PDE1C: variants seen among roughly 807,000 people sequenced by gnomAD.
PDE1C encodes phosphodiesterase 1C.
In PDE1C, 62 loss-of-function variants were observed where a neutral mutation model predicts 93.1. The ratio of observed to expected loss-of-function variants is 0.67; its 90% CI spans 0.54 to 0.82. The LOEUF is 0.82. Ranked by LOEUF, PDE1C falls within the 40% of genes least tolerant of loss-of-function variation. The pLI is 0.00. For synonymous variants in PDE1C, 325 were observed against 310.1 expected (o/e 1.05, Z -0.50); for missense variants, 742 against 884.6 (o/e 0.84, Z 2.04).
intron 1 of PDE1C, among the ~76,000 whole-genome samples, chr7:32,216,350 C>T (rs1806434736): frequency 6.6e-6 from 1 of 152,180 alleles, no homozygotes. Context: ...TTCTCATATG[C>T]TCTATACTTC....
chr7:32,152,376 C>T (rs1286184511), intron 3 of PDE1C, among the ~76,000 whole-genome samples: 1 of 152,220 alleles, frequency 6.6e-6, no homozygotes, highest in Non-Finnish European at 1.5e-5. Flanking sequence ...CTCACATGAG[C>T]AGTGTGTCAG....
In PDE1C at chr7:32,263,959, T is replaced by C. The variant is rs527654823; in HGVS notation, c.85+34692A>G. 1.7e-4 allele frequency among the ~76,000 whole-genome samples: 26 copies of C among 152,298 alleles called. No individual in the cohort carries two copies. The South Asian group carries it at 4.8e-3, about 28-fold the overall frequency. On this transcript the variant is annotated intron_variant, in intron 1 of 18. Transcript: ENST00000396193. ...ACCTGGTCAAGGTACTGTCAGATTT[T>C]TCCTCAATATTTCACTGTCTTATTT... is the stretch of plus-strand genomic sequence containing the variant.
intron 16 of PDE1C, chr7:31,789,185 C>T (rs1340738044): frequency 1.3e-5 from 2 of 152,176 alleles, no homozygotes; most frequent in East Asian, 3.9e-4. Context: ...TCATAAAATC[C>T]CACTTTACTT....
At chr7:32,417,743 T>G (rs1231025080) in intron 1 of PDE1C, among the ~76,000 whole-genome samples, 1 of 151,998 alleles carries the variant, frequency 6.6e-6, no homozygotes, top group Non-Finnish European at 1.5e-5. Context: ...AAAGTATCTG[T>G]TGTATTAAGA....
intron 16 of PDE1C, among the ~76,000 whole-genome samples, chr7:31,800,958 T>C (rs1246666341): frequency 6.6e-6 from 1 of 150,974 alleles, no homozygotes; most frequent in Non-Finnish European, 1.5e-5. Flanking sequence ...TGAATGTGAA[T>C]GAAAATGCAG....
chr7:32,233,222 GA>G (rs1449325537), intron 1 of PDE1C, among the ~76,000 whole-genome samples: 1 of 152,094 alleles, frequency 6.6e-6, no homozygotes, highest in Non-Finnish European at 1.5e-5. Flanking sequence ...AAGAAAATAA[GA>G]GATAAAAAAT....
intron 1 of PDE1C, among the ~76,000 whole-genome samples, chr7:32,327,030 G>C (rs747469189): frequency 1.3e-5 from 2 of 152,124 alleles, no homozygotes; most frequent in Non-Finnish European, 2.9e-5. Flanking sequence ...AAACACCCGA[G>C]TCATCTTCAT....
At chr7:32,203,357 G>T (rs546656017) in intron 2 of PDE1C, among the ~76,000 whole-genome samples, 1 of 152,090 alleles carries the variant, frequency 6.6e-6, no homozygotes, top group African/African-American at 2.4e-5. Flanking sequence ...ATGATTTTGA[G>T]TTCCCTCTGG....
intron 1 of PDE1C, among the ~76,000 whole-genome samples, chr7:32,418,546 G>T (rs1036404773): frequency 6.6e-6 from 1 of 151,936 alleles, no homozygotes; most frequent in Non-Finnish European, 1.5e-5. Flanking sequence ...TTTCCAAATA[G>T]CATCCTTGCG....
At chr7:31,948,291 ACT>A (rs1806892020) in intron 2 of PDE1C, among the ~76,000 whole-genome samples, 1 of 152,164 alleles carries the variant, frequency 6.6e-6, no homozygotes, top group African/African-American at 2.4e-5. Flanking sequence ...ACTAACAGAA[ACT>A]CTCTTATGTG....
At chr7:31,644,495 G>C in the PDE1C span, among the ~76,000 whole-genome samples, 2,209 of 152,250 alleles carry the variant, frequency 0.015, 68 homozygotes, top group African/African-American at 0.05. Flanking sequence ...TCTTATATGT[G>C]TTACTCTTAT....
chr7:31,619,130 A>C, the PDE1C span, among the ~76,000 whole-genome samples: 1 of 152,176 alleles, frequency 6.6e-6, no homozygotes, highest in Admixed American at 6.5e-5. Context: ...ACAACATTTC[A>C]TTAGTCTTTC....
At chr7:31,646,046 G>A in the PDE1C span, among the ~76,000 whole-genome samples, 5 of 152,178 alleles carry the variant, frequency 3.3e-5, no homozygotes, top group Non-Finnish European at 5.9e-5. Context: ...ACAAAGAAAG[G>A]CTGGTTGTTG....
chr7:31,628,500 C>T, the PDE1C span, among the ~76,000 whole-genome samples: 1 of 149,776 alleles, frequency 6.7e-6, no homozygotes, highest in Admixed American at 6.7e-5. Context: ...CTCTGTCACT[C>T]GGGATGGAGT....
chr7:32,067,112 G>A (rs925232423), intron 1 of PDE1C, among the ~76,000 whole-genome samples: 3 of 151,870 alleles, frequency 2.0e-5, no homozygotes, highest in African/African-American at 7.3e-5. Context: ...GCTTGCAGGT[G>A]TCTATAATCC....
At chr7:31,623,888 A>T in the PDE1C span, among the ~76,000 whole-genome samples, 13 of 152,050 alleles carry the variant, frequency 8.5e-5, no homozygotes, top group East Asian at 2.5e-3. Context: ...TCTCAGCCCA[A>T]AATCTCCTTA....
chr7:32,070,762 A>G (rs30599), upstream of PDE1C: 367 of 1,055,798 alleles, frequency 3.5e-4, 2 homozygotes, highest in African/African-American at 5.7e-3. Flanking sequence ...AGAAGCGATC[A>G]GCGCGCAGCT....
At chr7:31,977,007 G>C (rs943892024) in intron 2 of PDE1C, among the ~76,000 whole-genome samples, 1 of 152,124 alleles carries the variant, frequency 6.6e-6, no homozygotes, top group African/African-American at 2.4e-5. Flanking sequence ...AGAGAGTCTG[G>C]GTTTAAGGCT....
intron 17 of PDE1C, among the ~76,000 whole-genome samples, chr7:31,773,501 T>C (rs1390072917): frequency 6.6e-6 from 1 of 151,990 alleles, no homozygotes; most frequent in Non-Finnish European, 1.5e-5. Context: ...ACACTGGAAT[T>C]GCTTGGTTTA....
Sources: gnomAD v4.1 joint callset for allele counts (sites outside exome capture counted in the v4.1 genomes callset) on GRCh38, gnomAD v4.1.1 for gene constraint, MANE v1.5 for transcripts, NCBI Gene and HGNC (gene_info 2026-07-23, HGNC 2026-07-21) for gene names.